Variants in SGCD observed in about 807,000 individuals in gnomAD.
SGCD encodes the protein sarcoglycan delta, also known as delta-sarcoglycan.
Under a neutral mutation model 36.6 loss-of-function variants are expected in SGCD, and 18 were observed. The ratio of observed to expected loss-of-function variants is 0.49; its 90% CI spans 0.34 to 0.73. SGCD has a LOEUF of 0.73. SGCD is among the 30% of genes least tolerant of loss of function. The pLI, the probability that SGCD is intolerant of heterozygous loss-of-function variation, is 0.01. For synonymous variants in SGCD, 133 were observed against 130.6 expected, an observed-to-expected ratio of 1.02 and a Z score of -0.12; for missense variants, 387 against 346.7, an observed-to-expected ratio of 1.12 and a Z score of -0.92.
At chr5:156,137,246 T>C (rs1375353808) in intron 3 of SGCD, among the ~76,000 whole-genome samples, 4 of 152,256 alleles carry the variant, frequency 2.6e-5, no homozygotes, top group Non-Finnish European at 5.9e-5. Flanking sequence ...CTTAGTTTCC[T>C]GCTTGCTTAT....
At chr5:156,549,877 T>C (rs1007675705) in intron 4 of SGCD, among the ~76,000 whole-genome samples, 1 of 152,132 alleles carries the variant, frequency 6.6e-6, no homozygotes. Context: ...CATCAGGAAA[T>C]TTACCATTTC....
intron 3 of SGCD, among the ~76,000 whole-genome samples, chr5:156,144,402 G>A (rs1762661209): frequency 6.6e-6 from 1 of 152,136 alleles, no homozygotes; most frequent in Admixed American, 6.5e-5. Context: ...AGAACCTGTT[G>A]TTTCCTGACT....
chr5:156,599,716 G>C (rs1175838289), intron 6 of SGCD, among the ~76,000 whole-genome samples: 1 of 152,238 alleles, frequency 6.6e-6, no homozygotes, highest in African/African-American at 2.4e-5. Context: ...AATGTAGGTA[G>C]GCTGTAGTCA....
intron 1 of SGCD, among the ~76,000 whole-genome samples, chr5:155,984,277 G>A (rs1286705123): frequency 1.3e-5 from 2 of 152,142 alleles, no homozygotes; most frequent in African/African-American, 4.8e-5. Context: ...AATAAACTGA[G>A]CCTTAGGATA....
chr5:156,011,406 G>C (rs1380892714), intron 1 of SGCD, among the ~76,000 whole-genome samples: 1 of 151,748 alleles, frequency 6.6e-6, no homozygotes, highest in African/African-American at 2.4e-5. Flanking sequence ...TCTAGACTTG[G>C]TATTTGATAT....
At chr5:156,069,639 A>T (rs1197322176) in intron 1 of SGCD, among the ~76,000 whole-genome samples, 1 of 152,070 alleles carries the variant, frequency 6.6e-6, no homozygotes, top group East Asian at 1.9e-4. Context: ...ACTTTAAAGT[A>T]GTTTTTTCCA....
intron 1 of SGCD, among the ~76,000 whole-genome samples, chr5:156,107,912 G>T (rs1304145768): frequency 6.6e-6 from 1 of 152,136 alleles, no homozygotes; most frequent in Non-Finnish European, 1.5e-5. Flanking sequence ...AAGTAAACAA[G>T]TTTGGGAATG....
intron 7 of SGCD, among the ~76,000 whole-genome samples, chr5:156,728,357 C>G (rs72803029): frequency 0.073 from 11,090 of 151,762 alleles, 527 homozygotes; most frequent in African/African-American, 0.13. Flanking sequence ...TACCAAATTT[C>G]CAAAACTAGC....
the SGCD span, among the ~76,000 whole-genome samples, chr5:155,798,758 T>A: frequency 6.9e-4 from 105 of 152,068 alleles, 1 homozygote; most frequent in East Asian, 3.9e-4. Context: ...AAGAAAAAAA[T>A]TTTGGTAAAA....
chr5:155,883,493 T>G (rs938295913), intron 1 of SGCD, among the ~76,000 whole-genome samples: 3 of 152,040 alleles, frequency 2.0e-5, no homozygotes, highest in African/African-American at 4.8e-5. Context: ...TTCAGTAGTA[T>G]TATGTCTCAG....
chr5:156,491,925 A>T (rs886716324), intron 3 of SGCD, among the ~76,000 whole-genome samples: 2 of 152,064 alleles, frequency 1.3e-5, no homozygotes, highest in East Asian at 1.9e-4. Flanking sequence ...ATCCTAAAAA[A>T]TTTTTTAACT....
intron 1 of SGCD, among the ~76,000 whole-genome samples, chr5:155,876,704 T>C (rs1317816882): frequency 1.3e-5 from 2 of 152,112 alleles, no homozygotes; most frequent in Admixed American, 6.6e-5. Context: ...TTTGTCTATG[T>C]AGGTTTACTT....
At chr5:156,179,419 T>C (rs1459674534) in intron 3 of SGCD, among the ~76,000 whole-genome samples, 1 of 152,140 alleles carries the variant, frequency 6.6e-6, no homozygotes, top group East Asian at 1.9e-4. Context: ...TATTAAAAAA[T>C]GTTTCAATAA....
intron 4 of SGCD, among the ~76,000 whole-genome samples, chr5:156,525,060 T>C (rs1351234724): frequency 2.0e-5 from 3 of 152,124 alleles, no homozygotes; most frequent in Non-Finnish European, 4.4e-5. Context: ...TTTAAGATAA[T>C]GATTTTCTTT....
intron 3 of SGCD, among the ~76,000 whole-genome samples, chr5:156,267,687 G>T (rs747187669): frequency 3.3e-5 from 5 of 150,698 alleles, no homozygotes; most frequent in Non-Finnish European, 7.4e-5. Flanking sequence ...AATGAAACTG[G>T]TTTTTTTGAT....
chr5:156,078,228 A>G (rs1189045133), intron 1 of SGCD, among the ~76,000 whole-genome samples: 2 of 151,932 alleles, frequency 1.3e-5, no homozygotes, highest in Non-Finnish European at 2.9e-5. Flanking sequence ...CAGAAATAAT[A>G]CAACGCCGGG....
Position 156,284,742 on chromosome 5 carries a change from A to T in SGCD, c.-43-44792A>T, listed in dbSNP as rs371315862. Among the ~76,000 whole-genome samples the T allele has an allele frequency of 2.3e-4, 35 of 152,314 alleles. No homozygotes were observed. In the East Asian group the frequency reaches 5.4e-3, roughly 24 times the overall value. ...TACTGAATGGGCAAAAACTGGAAGCATTCCCTTTGAAAACTGGCACAAGAC... is the reference window on the plus strand; with the variant it reads ...TACTGAATGGGCAAAAACTGGAAGCTTTCCCTTTGAAAACTGGCACAAGAC... On this transcript the variant is annotated intron_variant, in intron 3 of 9. Transcript: ENST00000517913.
intron 1 of SGCD, among the ~76,000 whole-genome samples, chr5:156,028,560 ACT>A (rs1473567314): frequency 6.6e-6 from 1 of 152,012 alleles, no homozygotes; most frequent in East Asian, 1.9e-4. Context: ...AATACTGAAA[ACT>A]CTGCATGGTA....
At position 156,384,519 on chromosome 5, in the gene SGCD, A is replaced by G. The variant is rs537340618; in HGVS notation, c.192+39842A>G. The stretch of plus-strand genomic sequence containing the variant: ...AGTTGATTGAGCTTGTGTGCCAGAC[A>G]CTGTGCTGGACAGTGACGATAGAAC... On this transcript the variant is annotated intron_variant, in intron 3 of 8. Coordinates refer to ENST00000337851, the MANE Select transcript of SGCD (RefSeq NM_000337.6). Among the ~76,000 whole-genome samples the G allele has an allele frequency of 2.6e-5, 4 of 152,314 alleles. No homozygotes were observed. In the East Asian group the frequency reaches 5.8e-4, roughly 22 times the overall value.
Sources: allele counts gnomAD v4.1 joint callset (sites outside exome capture counted in the v4.1 genomes callset), GRCh38; gene constraint gnomAD v4.1.1; transcripts MANE v1.5; gene names NCBI Gene and HGNC (gene_info 2026-07-23, HGNC 2026-07-21).